LPAR3: variants seen among roughly 807,000 people sequenced by gnomAD.
LPAR3 encodes the protein LPA receptor 3.
In LPAR3, 7 loss-of-function variants were observed where a neutral mutation model predicts 17.8. The ratio of observed to expected loss-of-function variants is 0.39; its 90% CI spans 0.22 to 0.74. The LOEUF (loss-of-function observed/expected upper bound fraction) is 0.74. Ranked by LOEUF, LPAR3 falls within the 30% of genes least tolerant of loss-of-function variation. LPAR3 has a pLI of 0.40. For missense variants in LPAR3, 391 were observed against 453.4 expected (o/e 0.86, Z 1.25); for synonymous variants, 179 against 179.9 (o/e 0.99, Z 0.04).
At chr1:84,833,206 T>A (rs938152382) in intron 2 of LPAR3, among the ~76,000 whole-genome samples, 3 of 152,208 alleles carry the variant, frequency 2.0e-5, no homozygotes, top group Non-Finnish European at 4.4e-5. Context: ...CTCACATTCA[T>A]GTCCTTTAGA....
rs1659118742 is a variant in LPAR3, at chr1:84,824,658, G to A, written c.737-10487C>T. ...GTGAAAATGGAATGAGATAATATGT[G>A]GAAAGTGTCCAACACAGAAAGCACT... On this transcript the variant is annotated intron_variant, in intron 2 of 2. Coordinates refer to ENST00000370611, the MANE Select transcript of LPAR3 (RefSeq NM_012152.3). 2.0e-5 allele frequency among the ~76,000 whole-genome samples: 3 copies of A among 152,148 alleles called. No individual in the cohort carries two copies. In the South Asian group the frequency reaches 6.2e-4, roughly 32 times the overall value.
intron 2 of LPAR3, among the ~76,000 whole-genome samples, chr1:84,820,022 C>T (rs924825405): frequency 6.6e-6 from 1 of 152,168 alleles, no homozygotes; most frequent in Non-Finnish European, 1.5e-5. Flanking sequence ...GCTTTACATG[C>T]ACTTCCCCTG....
At chr1:84,839,473 A>G (rs1475803465) in intron 2 of LPAR3, among the ~76,000 whole-genome samples, 1 of 152,186 alleles carries the variant, frequency 6.6e-6, no homozygotes, top group Non-Finnish European at 1.5e-5. Context: ...CAGGGATTCA[A>G]GACCAGCCTG....
At chr1:84,850,621 C>T (rs1045164505) in intron 2 of LPAR3, among the ~76,000 whole-genome samples, 2 of 152,004 alleles carry the variant, frequency 1.3e-5, no homozygotes, top group Non-Finnish European at 2.9e-5. Flanking sequence ...CTAACAATCA[C>T]CAGGGACTCT....
Position 84,813,728 on chromosome 1 carries a change from G to T in LPAR3, c.*118C>A. On this transcript the variant is annotated 3_prime_UTR_variant, in exon 3 of 3. Coordinates refer to ENST00000370611, the MANE Select transcript of LPAR3 (RefSeq NM_012152.3). Reference sequence around the variant, plus strand: ...AAAAAAAATTTTTTAAAGAAATCTAGCAGTGATTAATGGAGACCTCAAATA... The same window carrying T: ...AAAAAAAATTTTTTAAAGAAATCTATCAGTGATTAATGGAGACCTCAAATA... 2.4e-6 allele frequency: 2 copies of T among 823,592 alleles called. No homozygotes were observed. The highest frequency in any genetic ancestry group is 3.7e-6 in the Non-Finnish European group (2 of 537,566). The allele number at this position is 823,592 out of a possible 1,614,324, so 51.0% of individuals were successfully genotyped here. A position where few individuals can be genotyped will look rare whatever the true frequency, so the allele number is the denominator to read the frequency against.
At chr1:84,853,113 A>G (rs1462437538) in intron 2 of LPAR3, among the ~76,000 whole-genome samples, 3 of 151,090 alleles carry the variant, frequency 2.0e-5, no homozygotes, top group Non-Finnish European at 2.9e-5. Context: ...AAAAGAAAAA[A>G]AAAAAAAAAC....
chr1:84,879,316 CTT>C (rs1187756554), intron 1 of LPAR3, among the ~76,000 whole-genome samples: 1 of 120,584 alleles, frequency 8.3e-6, no homozygotes, highest in Non-Finnish European at 1.6e-5. Context: ...TTTCTTTTTT[CTT>C]TTTTTTTTTT....
At chr1:84,814,814 T>C (rs1208118155) in intron 2 of LPAR3, among the ~76,000 whole-genome samples, 3 of 152,216 alleles carry the variant, frequency 2.0e-5, no homozygotes, top group African/African-American at 4.8e-5. Context: ...CTGCTCTACA[T>C]TTAGATTTTT....
intron 2 of LPAR3, among the ~76,000 whole-genome samples, chr1:84,857,923 T>C (rs1659858815): frequency 6.6e-6 from 1 of 152,320 alleles, no homozygotes; most frequent in South Asian, 2.1e-4. Flanking sequence ...GAACCATGTA[T>C]ACCCCACAAT....
intron 1 of LPAR3, among the ~76,000 whole-genome samples, chr1:84,885,246 T>C (rs528764695): frequency 2.0e-5 from 3 of 152,250 alleles, no homozygotes; most frequent in East Asian, 1.9e-4. Flanking sequence ...GGTGCTAAGG[T>C]TGAGAAATCC....
Position 84,813,142 on chromosome 1 carries a change from T to C in LPAR3, c.*704A>G, listed in dbSNP as rs1274241354. 7 of 111,136 alleles carry C rather than the reference T, an allele frequency of 6.3e-5. No individual in the cohort carries two copies. The highest frequency in any genetic ancestry group is 1.3e-4 in the Non-Finnish European group (7 of 53,930). 6.9% of individuals were successfully genotyped at this position (111,136 alleles called of 1,614,324 possible). A position where few individuals can be genotyped will look rare whatever the true frequency, so the allele number is the denominator to read the frequency against. On this transcript the variant is annotated 3_prime_UTR_variant, in exon 3 of 3. Transcript: ENST00000370611. ...AAAAACAGGAATATATATATATATA[T>C]ATATATATATATATATAGACACACA...
At chr1:84,861,680 T>G (rs903704284) in intron 2 of LPAR3, among the ~76,000 whole-genome samples, 3 of 152,164 alleles carry the variant, frequency 2.0e-5, no homozygotes, top group Non-Finnish European at 4.4e-5. Flanking sequence ...ACCACCTAGC[T>G]CTTGAGTTTC....
intron 1 of LPAR3, among the ~76,000 whole-genome samples, chr1:84,880,565 T>C (rs1251678692): frequency 1.3e-5 from 2 of 152,178 alleles, no homozygotes; most frequent in Non-Finnish European, 2.9e-5. Flanking sequence ...AAGTCCATGC[T>C]GCAGAGGACC....
At chr1:84,876,380 T>C (rs890571596) in intron 1 of LPAR3, among the ~76,000 whole-genome samples, 2 of 152,196 alleles carry the variant, frequency 1.3e-5, no homozygotes, top group Non-Finnish European at 2.9e-5. Flanking sequence ...TTCCAGCTTC[T>C]GCCAATGAGA....
At chr1:84,875,719 C>A (rs1479914806) in intron 1 of LPAR3, among the ~76,000 whole-genome samples, 1 of 152,230 alleles carries the variant, frequency 6.6e-6, no homozygotes, top group African/African-American at 2.4e-5. Flanking sequence ...AATTCTATTT[C>A]TTTACATTGT....
chr1:84,872,121 G>T (rs148464562), intron 1 of LPAR3, among the ~76,000 whole-genome samples: 53 of 152,274 alleles, frequency 3.5e-4, no homozygotes, highest in African/African-American at 1.2e-3. Context: ...GAGAACGTAT[G>T]TTGTTATGGT....
At chr1:84,876,104 A>C (rs1660251350) in intron 1 of LPAR3, among the ~76,000 whole-genome samples, 1 of 152,228 alleles carries the variant, frequency 6.6e-6, no homozygotes, top group Admixed American at 6.5e-5. Context: ...TAAACAAACA[A>C]GCCAGAGGGG....
chr1:84,874,370 G>A (rs976187049), intron 1 of LPAR3, among the ~76,000 whole-genome samples: 1 of 152,138 alleles, frequency 6.6e-6, no homozygotes, highest in Non-Finnish European at 1.5e-5. Flanking sequence ...GGCACGTCAG[G>A]GGGCTCACCT....
At chr1:84,821,525 A>G (rs1321822262) in intron 2 of LPAR3, among the ~76,000 whole-genome samples, 5 of 152,180 alleles carry the variant, frequency 3.3e-5, no homozygotes, top group Non-Finnish European at 7.3e-5. Context: ...CTGCATCAAA[A>G]TCATCTGGGC....
Sources: allele counts gnomAD v4.1 joint callset (sites outside exome capture counted in the v4.1 genomes callset), GRCh38; gene constraint gnomAD v4.1.1; transcripts MANE v1.5; gene names NCBI Gene and HGNC (gene_info 2026-07-23, HGNC 2026-07-21).